The following TUB variants were observed in gnomAD, a reference collection of about 807,000 sequenced individuals.
TUB encodes TUB bipartite transcription factor.
In TUB, 33 loss-of-function variants were observed where a neutral mutation model predicts 59.7. The observed-to-expected ratio is 0.55, with a 90% CI of 0.42 to 0.74. The LOEUF is 0.74. Ranked by LOEUF, TUB falls within the 30% of genes least tolerant of loss-of-function variation. The pLI is 0.00. For synonymous variants in TUB, 293 were observed against 256.4 expected (o/e 1.14, Z -1.36); for missense variants, 659 against 672.0 (o/e 0.98, Z 0.21).
intron 10 of TUB, 91 bp downstream of exon 10, chr11:8,100,692 TG>T: frequency 6.7e-7 from 1 of 1,482,716 alleles, no homozygotes. Context: ...TGTGTGTATG[TG>T]GAGGGGTACC....
intron 2 of TUB, among the ~76,000 whole-genome samples, chr11:8,060,455 C>T (rs972715759): frequency 3.3e-5 from 5 of 152,204 alleles, no homozygotes; most frequent in African/African-American, 1.2e-4. Flanking sequence ...GTTCTAGCTC[C>T]AGCCCTGGCT....
intron 2 of TUB, chr11:8,075,778 T>C: frequency 6.6e-6 from 1 of 152,194 alleles, no homozygotes; most frequent in South Asian, 2.1e-4. Flanking sequence ...CGGTCTGCTG[T>C]AGGCCAGCTG....
chr11:8,053,743 C>A (rs1055967710), intron 2 of TUB, among the ~76,000 whole-genome samples: 1 of 149,884 alleles, frequency 6.7e-6, no homozygotes, highest in Non-Finnish European at 1.5e-5. Flanking sequence ...CCTCGCGATC[C>A]GCCTGCCTTG....
At chr11:8,064,146 G>A (rs1217480036) in intron 2 of TUB, among the ~76,000 whole-genome samples, 2 of 152,146 alleles carry the variant, frequency 1.3e-5, no homozygotes, top group South Asian at 2.1e-4. Flanking sequence ...TGTACGTCAG[G>A]GCCATAGTTT....
chr11:8,095,764 T>A, intron 5 of TUB, 99 bp downstream of exon 5: 1 of 1,293,638 alleles, frequency 7.7e-7, no homozygotes, highest in Non-Finnish European at 1.1e-6. Flanking sequence ...TCCAAACCCC[T>A]CCCTGGCAAT....
intron 1 of TUB, among the ~76,000 whole-genome samples, chr11:8,026,099 C>A (rs1942496747): frequency 1.3e-5 from 2 of 152,174 alleles, no homozygotes; most frequent in African/African-American, 2.4e-5. Flanking sequence ...TATTTGCTAT[C>A]CATATCTCTT....
chr11:8,061,286 C>T (rs1481042318), intron 2 of TUB, among the ~76,000 whole-genome samples: 5 of 152,224 alleles, frequency 3.3e-5, no homozygotes, highest in African/African-American at 1.2e-4. Flanking sequence ...CACAGAGCTT[C>T]CCTCAAACCT....
At chr11:8,040,616 T>C (rs1004892308) in intron 2 of TUB, among the ~76,000 whole-genome samples, 6 of 152,124 alleles carry the variant, frequency 3.9e-5, no homozygotes, top group African/African-American at 1.4e-4. Context: ...CCAGGTTGAC[T>C]TTTTAGCCTA....
intron 2 of TUB, among the ~76,000 whole-genome samples, chr11:8,043,863 T>C (rs1942789887): frequency 6.6e-6 from 1 of 152,198 alleles, no homozygotes; most frequent in Non-Finnish European, 1.5e-5. Flanking sequence ...GAGATAGTTT[T>C]ATTTGTTCCT....
chr11:8,058,951 T>C (rs755569450), intron 2 of TUB, among the ~76,000 whole-genome samples: 18 of 152,364 alleles, frequency 1.2e-4, no homozygotes, highest in East Asian at 3.9e-4. Flanking sequence ...AATAAACTTA[T>C]TGAGTCTACG....
At chr11:8,036,755 G>T (rs1291337266), upstream of TUB, among the ~76,000 whole-genome samples, 1 of 152,214 alleles carries the variant, frequency 6.6e-6, no homozygotes, top group South Asian at 2.1e-4. Flanking sequence ...CCAGCCCTGA[G>T]GTTCTGTTTG....
intron 1 of TUB, among the ~76,000 whole-genome samples, chr11:8,031,213 G>A (rs925459114): frequency 1.3e-5 from 2 of 152,170 alleles, no homozygotes; most frequent in Admixed American, 1.3e-4. Context: ...CTGTGTGAAC[G>A]GGGTGGGACT....
In TUB at chr11:8,101,008, C is replaced by T; in HGVS notation, c.1387+11C>T. ...TCCATGGCAATGACCGTGAGTGTTT[C>T]TGTCCCTACTCATTATGGTCCGTAG... is the stretch of plus-strand genomic sequence containing the variant. On this transcript the variant is annotated intron_variant, in intron 11 of 11. Transcript: ENST00000299506. The T allele has an allele frequency of 3.1e-6, 5 of 1,614,034 alleles. No homozygotes were observed. The highest frequency in any genetic ancestry group is 4.2e-6 in the Non-Finnish European group (5 of 1,179,958).
upstream of TUB, among the ~76,000 whole-genome samples, chr11:8,078,122 T>C (rs1943479527): frequency 6.6e-6 from 1 of 152,134 alleles, no homozygotes; most frequent in African/African-American, 2.4e-5. Context: ...GGTGAACTGA[T>C]TCTGCTTGGG....
upstream of TUB, chr11:8,076,963 G>A (rs1360785322): frequency 6.6e-6 from 1 of 152,124 alleles, no homozygotes; most frequent in Non-Finnish European, 1.5e-5. Flanking sequence ...AATGGTCTTT[G>A]TATATTCTGC....
chr11:8,078,032 A>G (rs1041314133), upstream of TUB, among the ~76,000 whole-genome samples: 5 of 152,228 alleles, frequency 3.3e-5, no homozygotes, highest in African/African-American at 1.2e-4. Context: ...CCCACACTCA[A>G]TAAAAATGTC....
At chr11:8,097,041 C>T (rs1944027162) in intron 6 of TUB, among the ~76,000 whole-genome samples, 187 bp from the exon 7 acceptor site, 1 of 152,172 alleles carries the variant, frequency 6.6e-6, no homozygotes, top group African/African-American at 2.4e-5. Flanking sequence ...ATCTCCACCT[C>T]TAGGAACTGT....
chr11:8,036,313 T>C (rs1942645589), upstream of TUB, among the ~76,000 whole-genome samples: 2 of 152,206 alleles, frequency 1.3e-5, no homozygotes, highest in African/African-American at 4.8e-5. Context: ...GCTGGTCATC[T>C]AGCCTGGCAG....
chr11:8,096,770 C>T lies in TUB; in HGVS notation c.651C>T (p.Thr217=), dbSNP rs201231532. The T allele has an allele frequency of 5.7e-5, 92 of 1,614,120 alleles. No homozygotes were observed. In the East Asian group the frequency reaches 2.1e-3, roughly 36 times the overall value. ...GCTCCTCCCAGCTAAATAGTAACACCCGCCCCAGCTCTGCTACTAGCAGGA... is the reference window on the plus strand; with the variant it reads ...GCTCCTCCCAGCTAAATAGTAACACTCGCCCCAGCTCTGCTACTAGCAGGA... The part of the protein sequence containing the change: ...SSSSSQLNSN[T]RPSSATSRKS... Residue 217 remains threonine (T), a synonymous_variant, in exon 6 of 12, where the codon ACC becomes ACT. Transcript: ENST00000299506.
Sources: gnomAD v4.1 joint callset for allele counts (sites outside exome capture counted in the v4.1 genomes callset) on GRCh38, gnomAD v4.1.1 for gene constraint, MANE v1.5 for transcripts, NCBI Gene and HGNC (gene_info 2026-07-23, HGNC 2026-07-21) for gene names.